The following RGPD3 variants were observed in gnomAD, a reference collection of about 807,000 sequenced individuals.
RGPD3 encodes the protein RANBP2 like and GRIP domain containing 3.
Under a neutral mutation model 154.5 loss-of-function variants are expected in RGPD3, and 62 were observed. The ratio of observed to expected loss-of-function variants is 0.40; its 90% CI spans 0.33 to 0.50. The LOEUF is 0.50. Ranked by LOEUF, RGPD3 falls within the 20% of genes least tolerant of loss-of-function variation. The pLI is 0.59. For synonymous variants in RGPD3, 308 were observed against 607.0 expected (o/e 0.51, Z 7.24); for missense variants, 919 against 1,716.8 (o/e 0.54, Z 8.21).
At position 106,423,853 on chromosome 2, in the gene RGPD3, C is replaced by G. The variant is rs764365020; in HGVS notation, c.4114G>C (p.Gly1372Arg). 8.7e-5 allele frequency: 141 copies of G among 1,611,778 alleles called. No individual in the cohort carries two copies. Among genetic ancestry groups the G allele is most frequent in the Non-Finnish European group, 1.1e-4 (130 of 1,179,864 alleles). The change falls in exon 20 of 23, where the codon GGT becomes CGT. Residue 1372 changes from glycine (G) to arginine (R), a missense_variant. Physicochemically the swap from Gly to Arg is moderately radical, Grantham distance 125 (BLOSUM62 -2). Transcript: ENST00000409886. ...AEFYRYDKDVGQWKERGIGDI... is the reference protein window; with the variant it reads ...AEFYRYDKDVRQWKERGIGDI... Reference sequence around the variant, plus strand: ...CCAATGCCCCTTTCTTTCCATTGACCAACATCTTTATCATATCTGTAGAAT... The same window carrying G: ...CCAATGCCCCTTTCTTTCCATTGACGAACATCTTTATCATATCTGTAGAAT...
chr2:106,447,022 CT>C (rs1336676208), intron 7 of RGPD3, among the ~76,000 whole-genome samples: 7 of 85,598 alleles, frequency 8.2e-5, no homozygotes, highest in African/African-American at 3.2e-4. Context: ...TCATATTCTT[CT>C]ATCATAGGCT....
At chr2:106,413,747 A>C (rs1245943581) in intron 21 of RGPD3, among the ~76,000 whole-genome samples, 6 of 152,144 alleles carry the variant, frequency 3.9e-5, no homozygotes, top group Non-Finnish European at 5.9e-5. Context: ...CTTACCAAGT[A>C]TCACTGACAA....
chr2:106,450,145 C>T (rs555015298), intron 6 of RGPD3, among the ~76,000 whole-genome samples: 3 of 139,344 alleles, frequency 2.2e-5, no homozygotes, highest in Non-Finnish European at 3.1e-5. Flanking sequence ...TTTGGGAGGC[C>T]GAGGAGGGCA....
intron 1 of RGPD3, among the ~76,000 whole-genome samples, chr2:106,465,629 T>C (rs1678548951): frequency 6.6e-6 from 1 of 150,650 alleles, no homozygotes; most frequent in African/African-American, 2.4e-5. Context: ...ACCTGTAATC[T>C]CAGCATTATT....
In RGPD3 at chr2:106,413,219, C is replaced by T. The variant is rs1025135306; in HGVS notation, c.5131G>A (p.Glu1711Lys). 8 of 1,611,882 alleles carry T rather than the reference C, an allele frequency of 5.0e-6. No individual in the cohort carries two copies. In the African/African-American group the frequency reaches 9.4e-5, roughly 19 times the overall value. The part of the protein sequence containing the change: ...QEQEVSAANV[E>K]HLKNVLLQFI... ...TGCAGCAAGACGTTCTTCAAGTGTT[C>T]CACGTTAGCTGCAGACACCTCTTGC... The change falls in exon 22 of 23, where the codon GAA (glutamate) becomes AAA (lysine). Residue 1711 changes from glutamate to lysine, a missense_variant. Transcript: ENST00000409886.
intron 20 of RGPD3, 149 bp downstream of exon 20, chr2:106,422,894 T>A: frequency 1.3e-6 from 2 of 1,547,326 alleles, no homozygotes. Flanking sequence ...CATGAACTTA[T>A]TAAGGGAGAA....
intron 20 of RGPD3, among the ~76,000 whole-genome samples, chr2:106,417,825 A>G (rs1375234725): frequency 6.6e-6 from 1 of 151,354 alleles, no homozygotes; most frequent in Admixed American, 6.6e-5. Context: ...TTGCTAAAAC[A>G]TTTCTTAAAA....
chr2:106,423,811 G>A lies in RGPD3; in HGVS notation c.4156C>T (p.Gln1386Ter), dbSNP rs1677084622. The A allele has an allele frequency of 6.2e-7, 1 of 1,611,814 alleles. No homozygotes were observed. The highest frequency in any genetic ancestry group is 1.3e-5 in the African/African-American group (1 of 74,806). The change falls in exon 20 of 23, where the codon CAG becomes TAG. Residue 1386 changes from glutamine to a stop codon, truncating the protein, a stop_gained. Transcript: ENST00000409886. LOFTEE classifies it high-confidence loss of function. ...CGAACGTGCTTATTATCATAATTCT[G>A]TAAAATCTTTATATCACCAATGCCC... ...ERGIGDIKILQNYDNKHVRIL... is the reference protein window; with the variant it reads ...ERGIGDIKIL
rs1476203762 is a variant in RGPD3, at chr2:106,415,939, G to A, written c.4975C>T (p.Leu1659Phe). The change falls in exon 21 of 23, where the codon CTC becomes TTC. Residue 1659 changes from leucine (L) to phenylalanine (F), a missense_variant. Physicochemically the swap from Leu to Phe is conservative, Grantham distance 22. Transcript: ENST00000409886. ...TCTGCACTTTTTGTGGTGGAACTGA[G>A]CTTCTGAACCAATTCTTCTTTAGTA... ...EFTKEELVQK[L>F]SSTTKSADHL... 1 of 1,611,798 alleles carries A rather than the reference G, an allele frequency of 6.2e-7. No homozygotes were observed. Among genetic ancestry groups the A allele is most frequent in the Non-Finnish European group, 8.5e-7 (1 of 1,179,838 alleles).
At chr2:106,438,555 G>A (rs1363805070) in intron 9 of RGPD3, among the ~76,000 whole-genome samples, 1 of 151,188 alleles carries the variant, frequency 6.6e-6, no homozygotes, top group Non-Finnish European at 1.5e-5. Flanking sequence ...GCCAAGGCAG[G>A]TGGATCACCT....
chr2:106,460,362 G>A (rs1455842030), intron 1 of RGPD3, among the ~76,000 whole-genome samples: 5 of 151,860 alleles, frequency 3.3e-5, no homozygotes, highest in Non-Finnish European at 7.3e-5. Flanking sequence ...GAATAAGTAA[G>A]TACTTAGGAT....
At chr2:106,421,938 A>T (rs1054803972) in intron 20 of RGPD3, among the ~76,000 whole-genome samples, 3 of 151,128 alleles carry the variant, frequency 2.0e-5, no homozygotes, top group African/African-American at 7.3e-5. Flanking sequence ...TACTTTGCTT[A>T]AACTGGCATT....
chr2:106,412,743 C>G (rs1264294349), intron 22 of RGPD3: 3 of 485,784 alleles, frequency 6.2e-6, no homozygotes, highest in East Asian at 1.1e-4. Flanking sequence ...AGAAAAGGAA[C>G]AAGCTAATAA....
chr2:106,422,539 G>A (rs1482813346), intron 20 of RGPD3, among the ~76,000 whole-genome samples: 5,103 of 105,832 alleles, frequency 0.048, no homozygotes, highest in African/African-American at 0.064. Flanking sequence ...GCACCACCAC[G>A]CCCGGCTCAT....
At chr2:106,467,072 G>A (rs1380416985) in intron 1 of RGPD3, among the ~76,000 whole-genome samples, 6 of 121,518 alleles carry the variant, frequency 4.9e-5, no homozygotes, top group Non-Finnish European at 1.1e-4. Flanking sequence ...GAGCCATGAC[G>A]CCTGAGCCAT....
Position 106,424,225 on chromosome 2 carries a change from C to A in RGPD3, c.3742G>T (p.Glu1248Ter), listed in dbSNP as rs767066922. The A allele has an allele frequency of 1.7e-5, 28 of 1,612,002 alleles. No homozygotes were observed. In the African/African-American group the frequency reaches 3.6e-4, roughly 21 times the overall value. Residue 1248 changes from glutamate (E) to a stop codon, truncating the protein, a stop_gained, in exon 20 of 23, where the codon GAA (glutamate) becomes TAA (stop). Transcript: ENST00000409886. LOFTEE classifies it high-confidence loss of function. ...TCCCTTAAATCATAGTTATCCCATT[C>A]TAATGTGGGCCCAGTGTTTTCAGCA... ...PNAENTGPTL[E>*]WDNYDLREDA...
chr2:106,414,975 A>C (rs2104447115), intron 21 of RGPD3, among the ~76,000 whole-genome samples: 1 of 152,286 alleles, frequency 6.6e-6, no homozygotes, highest in African/African-American at 2.4e-5. Flanking sequence ...GATGAGATTA[A>C]ATAATATACG....
chr2:106,449,787 G>A (rs547095542), intron 6 of RGPD3, among the ~76,000 whole-genome samples: 12 of 151,962 alleles, frequency 7.9e-5, no homozygotes, highest in Non-Finnish European at 1.3e-4. Context: ...GGAGGCCGAG[G>A]CAGGCGGATC....
intron 22 of RGPD3, among the ~76,000 whole-genome samples, chr2:106,406,126 C>T (rs62146303): frequency 6.8e-6 from 1 of 147,508 alleles, no homozygotes; most frequent in Non-Finnish European, 1.5e-5. Flanking sequence ...TATGGTAAAC[C>T]TTAAAACTGA....
Sources: gnomAD v4.1 joint callset for allele counts (sites outside exome capture counted in the v4.1 genomes callset) on GRCh38, gnomAD v4.1.1 for gene constraint, MANE v1.5 for transcripts, NCBI Gene and HGNC (gene_info 2026-07-23, HGNC 2026-07-21) for gene names.